The following DLG2 variants were observed in gnomAD, a reference collection of about 807,000 sequenced individuals.
DLG2 encodes disks large homolog 2.
DLG2 carries 45 observed loss-of-function variants against 132.5 expected under a neutral mutation model. That is an observed-to-expected ratio of 0.34 (90% CI 0.27 to 0.44). DLG2 has a LOEUF of 0.44. DLG2 is among the 20% of genes least tolerant of loss of function. The pLI is 1.00. For missense variants in DLG2, 1,045 were observed against 1,196.9 expected (o/e 0.87, Z 1.87); for synonymous variants, 424 against 419.6 (o/e 1.01, Z -0.13).
chr11:85,068,328 G>T (rs185266240), intron 6 of DLG2, among the ~76,000 whole-genome samples: 4 of 152,144 alleles, frequency 2.6e-5, no homozygotes, highest in East Asian at 3.9e-4. Flanking sequence ...AGGAAATAAA[G>T]GGTATTCAAT....
chr11:85,244,310 AGTG>A (rs2076032617), intron 4 of DLG2, among the ~76,000 whole-genome samples: 1 of 151,990 alleles, frequency 6.6e-6, no homozygotes, highest in Non-Finnish European at 1.5e-5. Context: ...ATCATTGGCT[AGTG>A]GTGAAAGTTT....
chr11:84,670,542 A>G (rs1025219000), intron 6 of DLG2, among the ~76,000 whole-genome samples: 7 of 152,128 alleles, frequency 4.6e-5, no homozygotes, highest in Non-Finnish European at 7.4e-5. Flanking sequence ...CAACAGGCTC[A>G]CCACAATGTT....
intron 3 of DLG2, among the ~76,000 whole-genome samples, chr11:85,499,644 A>T (rs1391029438): frequency 6.6e-6 from 1 of 152,206 alleles, no homozygotes; most frequent in Non-Finnish European, 1.5e-5. Context: ...CACAACAAAA[A>T]AAAGATAATT....
At chr11:85,360,170 G>C (rs763088175) in intron 3 of DLG2, among the ~76,000 whole-genome samples, 2 of 152,106 alleles carry the variant, frequency 1.3e-5, no homozygotes, top group Non-Finnish European at 2.9e-5. Flanking sequence ...ACTTGTCAGC[G>C]GTTTCTAGTT....
chr11:85,387,785 A>C (rs1032058345), intron 3 of DLG2, among the ~76,000 whole-genome samples: 1 of 152,192 alleles, frequency 6.6e-6, no homozygotes, highest in African/African-American at 2.4e-5. Context: ...CTTTATCTTT[A>C]AAAGTGGAAA....
chr11:83,876,009 T>C (rs918675551), intron 15 of DLG2, among the ~76,000 whole-genome samples: 4 of 152,202 alleles, frequency 2.6e-5, no homozygotes, highest in South Asian at 2.1e-4. Context: ...AAGATATTCA[T>C]TGATCATGTT....
chr11:84,178,890 G>A (rs902118913), intron 8 of DLG2, among the ~76,000 whole-genome samples: 1 of 151,910 alleles, frequency 6.6e-6, no homozygotes, highest in African/African-American at 2.4e-5. Context: ...AGAGAGAAGA[G>A]GGCAAATCAG....
chr11:85,239,975 C>G (rs1231703946), intron 4 of DLG2, among the ~76,000 whole-genome samples: 1 of 151,868 alleles, frequency 6.6e-6, no homozygotes, highest in African/African-American at 2.4e-5. Flanking sequence ...AAGACCATGC[C>G]AAACTAACTT....
At chr11:84,820,804 C>T (rs1041385755) in intron 6 of DLG2, among the ~76,000 whole-genome samples, 2 of 151,296 alleles carry the variant, frequency 1.3e-5, no homozygotes, top group Non-Finnish European at 2.9e-5. Flanking sequence ...ATGGGATTTT[C>T]ACATAGAATA....
chr11:85,612,613 A>G (rs183829344), intron 2 of DLG2, among the ~76,000 whole-genome samples: 22 of 152,322 alleles, frequency 1.4e-4, no homozygotes, highest in African/African-American at 5.1e-4. Flanking sequence ...CCAAACTTAC[A>G]AGGTTTTCAA....
At chr11:84,895,870 G>A (rs1223619058) in intron 6 of DLG2, among the ~76,000 whole-genome samples, 3 of 152,126 alleles carry the variant, frequency 2.0e-5, no homozygotes, top group Non-Finnish European at 2.9e-5. Context: ...TGAGAATCCA[G>A]ATAGTTTATA....
intron 15 of DLG2, among the ~76,000 whole-genome samples, chr11:83,924,171 C>T (rs2078493066): frequency 6.6e-6 from 1 of 152,052 alleles, no homozygotes; most frequent in African/African-American, 2.4e-5. Flanking sequence ...TAGGTAATTC[C>T]TCCTATGTTT....
At chr11:84,910,711 G>C (rs1174986728) in intron 6 of DLG2, among the ~76,000 whole-genome samples, 4 of 152,084 alleles carry the variant, frequency 2.6e-5, no homozygotes, top group African/African-American at 9.7e-5. Context: ...CCAGGAGTTC[G>C]AGACCTGCCT....
At position 84,942,674 on chromosome 11, in the gene DLG2, T is replaced by C. The variant is rs563353770; in HGVS notation, c.357+168987A>G. ...CAATTCTTAAGAATGACCCCTGTGC[T>C]AAGGTGAAGAACATGTACTCTGCAG... On this transcript the variant is annotated intron_variant, in intron 6 of 27. Transcript: ENST00000376104. 5.9e-5 allele frequency among the ~76,000 whole-genome samples: 9 copies of C among 152,320 alleles called. No homozygotes were observed. The South Asian group carries it at 1.7e-3, about 28-fold the overall frequency.
At chr11:84,689,384 C>CA (rs551901846) in intron 6 of DLG2, among the ~76,000 whole-genome samples, 12,217 of 146,808 alleles carry the variant, frequency 0.083, 547 homozygotes, top group Non-Finnish European at 0.1. Flanking sequence ...AATTAAGTTT[C>CA]AAAAAAAAAA....
At chr11:84,489,928 C>T (rs2099160461) in intron 7 of DLG2, among the ~76,000 whole-genome samples, 1 of 150,650 alleles carries the variant, frequency 6.6e-6, no homozygotes, top group Admixed American at 6.6e-5. Context: ...AAAAAAGAGG[C>T]AGAAAAAGTT....
At chr11:83,763,109 T>G (rs1690980669) in intron 18 of DLG2, among the ~76,000 whole-genome samples, 1 of 152,202 alleles carries the variant, frequency 6.6e-6, no homozygotes. Context: ...AGTTCTCCCC[T>G]ATGGTGCATT....
chr11:83,637,903 C>T (rs2116477), intron 18 of DLG2, among the ~76,000 whole-genome samples: 36,512 of 152,038 alleles, frequency 0.24, 4,705 homozygotes, highest in African/African-American at 0.33. Flanking sequence ...AAAGAATTTG[C>T]TTCCAGAACA....
intron 2 of DLG2, among the ~76,000 whole-genome samples, chr11:85,615,992 G>T (rs1565767269): frequency 6.7e-6 from 1 of 150,172 alleles, no homozygotes; most frequent in African/African-American, 2.5e-5. Context: ...TATGGTCTAG[G>T]TCTCTTGATT....
Sources: allele counts gnomAD v4.1 joint callset (sites outside exome capture counted in the v4.1 genomes callset), GRCh38; gene constraint gnomAD v4.1.1; transcripts MANE v1.5; gene names NCBI Gene and HGNC (gene_info 2026-07-23, HGNC 2026-07-21).